Variants in INPP5B observed in about 807,000 individuals in gnomAD.
INPP5B encodes the protein inositol polyphosphate-5-phosphatase B.
INPP5B carries 90 observed loss-of-function variants against 118.5 expected under a neutral mutation model. The ratio of observed to expected loss-of-function variants is 0.76; its 90% CI spans 0.64 to 0.90. The LOEUF (loss-of-function observed/expected upper bound fraction) is 0.90, where lower values mean the gene tolerates loss of function less well. Ranked by LOEUF, INPP5B falls within the 40% of genes least tolerant of loss-of-function variation. The pLI is 0.00. For synonymous variants in INPP5B, 385 were observed against 418.9 expected, an observed-to-expected ratio of 0.92 and a Z score of 0.99; for missense variants, 984 against 1,125.6, an observed-to-expected ratio of 0.87 and a Z score of 1.80.
At chr1:37,882,022 C>T (rs1643231626) in intron 14 of INPP5B, among the ~76,000 whole-genome samples, 1 of 151,708 alleles carries the variant, frequency 6.6e-6, no homozygotes. Flanking sequence ...TTGCTTGAAC[C>T]CAGCAGGCAG....
intron 7 of INPP5B, chr1:37,929,954 G>C (rs1170581143): frequency 6.6e-6 from 1 of 152,186 alleles, no homozygotes; most frequent in Non-Finnish European, 1.5e-5. Context: ...GGCTGGTCTC[G>C]AACTCCTGAC....
intron 7 of INPP5B, among the ~76,000 whole-genome samples, chr1:37,897,543 C>G (rs1490094683): frequency 7.3e-5 from 11 of 150,060 alleles, no homozygotes; most frequent in Non-Finnish European, 1.3e-4. Flanking sequence ...CAGCATGCTC[C>G]TTAAGAGTCA....
chr1:37,864,002 AT>A (rs1475667936), intron 23 of INPP5B, among the ~76,000 whole-genome samples: 3 of 151,598 alleles, frequency 2.0e-5, no homozygotes, highest in Admixed American at 6.6e-5. Flanking sequence ...TTTAGTAGAG[AT>A]GGGGTTTCAC....
chr1:37,901,436 G>C (rs1644328835), intron 7 of INPP5B, among the ~76,000 whole-genome samples: 1 of 152,128 alleles, frequency 6.6e-6, no homozygotes, highest in Admixed American at 6.5e-5. Context: ...GAGTTATGAG[G>C]AAGTGCTCTG....
chr1:37,918,108 G>C (rs1411229805), intron 7 of INPP5B, among the ~76,000 whole-genome samples: 3 of 152,082 alleles, frequency 2.0e-5, no homozygotes, highest in African/African-American at 7.2e-5. Flanking sequence ...GCCCCCCAGA[G>C]AGAGTTAGTC....
intron 22 of INPP5B, 55 bp downstream of exon 22, chr1:37,865,706 C>G (rs958357988): frequency 5.6e-6 from 9 of 1,595,372 alleles, no homozygotes; most frequent in Non-Finnish European, 6.9e-6. Flanking sequence ...CACTCTGTTC[C>G]CTTAGCCCCA....
At chr1:37,915,982 G>A (rs576751496) in intron 7 of INPP5B, among the ~76,000 whole-genome samples, 1 of 152,326 alleles carries the variant, frequency 6.6e-6, no homozygotes, top group African/African-American at 2.4e-5. Context: ...TGTTCTAGAA[G>A]CCAAATAAGA....
At chr1:37,863,849 CTG>C (rs1213435284) in intron 23 of INPP5B, among the ~76,000 whole-genome samples, 9 of 144,504 alleles carry the variant, frequency 6.2e-5, no homozygotes, top group African/African-American at 1.8e-4. Flanking sequence ...GAGTCTCACT[CTG>C]TCGCCCAGGC....
At position 37,880,168 on chromosome 1, in the gene INPP5B, A is replaced by G; in HGVS notation, c.1458T>C (p.Thr486=). ...CACCCTCTGTGAAGCCTTCAAAGAC[A>G]GTCTTTGCGGCCACCTGAATTTTCA... ...DQLKIQVAAK[T]VFEGFTEGEL... is the part of the protein sequence containing the mutation. Residue 486 remains threonine, a synonymous_variant, in exon 15 of 24, where the codon ACT becomes ACC. Coordinates refer to ENST00000373024, the MANE Select transcript of INPP5B (RefSeq NM_005540.3). 6.2e-7 allele frequency: 1 copy of G among 1,608,478 alleles called. No individual in the cohort carries two copies. Among genetic ancestry groups the G allele is most frequent in the South Asian group, 1.1e-5 (1 of 90,616 alleles).
In INPP5B at chr1:37,929,511, T is replaced by C. The variant is rs536151401; in HGVS notation, c.532+2402A>G. ...CATATGCATATAGGAAAAAACAATCTACTACTCTGTTTCCCTTGGGGCCTG... is the reference window on the plus strand; with the variant it reads ...CATATGCATATAGGAAAAAACAATCCACTACTCTGTTTCCCTTGGGGCCTG... On this transcript the variant is annotated intron_variant, in intron 7 of 23. Transcript: ENST00000373024. The C allele has an allele frequency of 2.0e-5, 3 of 152,212 alleles. No individual in the cohort carries two copies. In the East Asian group the frequency reaches 5.8e-4, roughly 29 times the overall value. 9.4% of individuals were successfully genotyped at this position (152,212 alleles called of 1,614,324 possible). A position where few individuals can be genotyped will look rare whatever the true frequency, so the allele number is the denominator to read the frequency against.
chr1:37,916,210 T>A (rs1414279396), intron 7 of INPP5B, among the ~76,000 whole-genome samples: 1 of 151,322 alleles, frequency 6.6e-6, no homozygotes, highest in Non-Finnish European at 1.5e-5. Flanking sequence ...TCTTGTGCCT[T>A]AGCCTCCCAA....
intron 16 of INPP5B, among the ~76,000 whole-genome samples, chr1:37,876,717 A>C (rs905140170): frequency 2.7e-5 from 4 of 149,194 alleles, no homozygotes; most frequent in East Asian, 2.0e-4. Context: ...AAAAAAAAAA[A>C]AAAAAACCAT....
intron 7 of INPP5B, among the ~76,000 whole-genome samples, chr1:37,928,360 T>TTTTTG (rs200901722): frequency 3.9e-4 from 59 of 151,542 alleles, no homozygotes; most frequent in Middle Eastern, 3.4e-3. Flanking sequence ...TTTTGGGGTT[T>TTTTTG]TTTTGTTTTG....
intron 7 of INPP5B, among the ~76,000 whole-genome samples, chr1:37,903,079 T>G (rs1344850450): frequency 6.6e-6 from 1 of 152,148 alleles, no homozygotes; most frequent in Non-Finnish European, 1.5e-5. Flanking sequence ...TCAGAGGCAT[T>G]TGAACCAGAG....
In INPP5B at chr1:37,868,564, G is replaced by T; in HGVS notation, c.2238C>A (p.Pro746=). The T allele has an allele frequency of 1.2e-6, 2 of 1,613,980 alleles. No individual in the cohort carries two copies. Among genetic ancestry groups the T allele is most frequent in the South Asian group, 2.2e-5 (2 of 91,084 alleles). The stretch of plus-strand genomic sequence containing the variant: ...TCCAGAGCTCTTTGGGGATTTCCAT[G>T]GGGCTATCCAACTGGCTCCCATCAT... ...TGDDGSQLDS[P]MEIPKELWMM... Residue 746 remains proline (P), a synonymous_variant, in exon 20 of 24, where the codon CCC becomes CCA. Transcript: ENST00000373024.
At chr1:37,912,129 C>A (rs982559346) in intron 7 of INPP5B, among the ~76,000 whole-genome samples, 2 of 152,216 alleles carry the variant, frequency 1.3e-5, no homozygotes, top group Admixed American at 1.3e-4. Flanking sequence ...CTCTTGCCTA[C>A]TCCAGATTCC....
At chr1:37,866,398 T>TCACACACACA (rs1642036057) in intron 21 of INPP5B, 61 bp downstream of exon 21, 3 of 724,314 alleles carry the variant, frequency 4.1e-6, no homozygotes, top group Non-Finnish European at 7.1e-6. Context: ...TCTCTCTCTC[T>TCACACACACA]CTCTCTCTCA....
chr1:37,868,550 T>C lies in INPP5B; in HGVS notation c.2252A>G (p.Lys751Arg). ...SQLDSPMEIPKELWMMVDYLY... is the reference protein window; with the variant it reads ...SQLDSPMEIPRELWMMVDYLY... ...GTAATCAACCATCATCCAGAGCTCT[T>C]TGGGGATTTCCATGGGGCTATCCAA... Residue 751 changes from lysine to arginine, a missense_variant, in exon 20 of 24, where the codon AAA (lysine) becomes AGA (arginine). By Grantham distance (26) the Lys-to-Arg change is conservative. Coordinates refer to ENST00000373024, the MANE Select transcript of INPP5B (RefSeq NM_005540.3). 6 of 1,614,060 alleles carry C rather than the reference T, an allele frequency of 3.7e-6. No individual in the cohort carries two copies. In the East Asian group the frequency reaches 6.7e-5, roughly 18 times the overall value.
chr1:37,873,105 T>A lies in INPP5B; in HGVS notation c.2012A>T (p.Asn671Ile), dbSNP rs1373244193. 1 of 1,614,002 alleles carries A rather than the reference T, an allele frequency of 6.2e-7. No individual in the cohort carries two copies. Among genetic ancestry groups the A allele is most frequent in the Non-Finnish European group, 8.5e-7 (1 of 1,179,998 alleles). ...GTCCTCAATTTTGTCTTCACCCGAG[T>A]TGAGCTTTGTAGCTGTCATCTTATT... ...FVNKMTATKL[N>I]SGEDKIEDIL... is the part of the protein sequence containing the mutation. Residue 671 changes from asparagine (N) to isoleucine (I), a missense_variant, in exon 19 of 24, where the codon AAC (asparagine) becomes ATC (isoleucine). Asn to Ile is a moderately radical substitution (Grantham distance 149, BLOSUM62 -3). Around this residue, in one of 2 missense-constraint regions of INPP5B, gnomAD observed 634 missense variants for 791.0 expected, o/e 0.80. Transcript: ENST00000373024.
Sources: gnomAD v4.1 joint callset for allele counts (sites outside exome capture counted in the v4.1 genomes callset) on GRCh38, gnomAD v4.1.1 for gene constraint, gnomAD v4.1.1 regional missense constraint, MANE v1.5 for transcripts, NCBI Gene and HGNC (gene_info 2026-07-23, HGNC 2026-07-21) for gene names.